Variants in MEF2D observed in about 807,000 individuals in gnomAD.
The protein encoded by MEF2D is myocyte enhancer factor 2D.
MEF2D carries 10 observed loss-of-function variants against 59.3 expected under a neutral mutation model. The observed-to-expected ratio is 0.17, with a 90% CI of 0.10 to 0.29. The LOEUF is 0.29. MEF2D is among the 10% of genes least tolerant of loss of function. MEF2D has a pLI of 1.00. For synonymous variants in MEF2D, 305 were observed against 295.0 expected, an observed-to-expected ratio of 1.03 and a Z score of -0.35; for missense variants, 508 against 699.4, an observed-to-expected ratio of 0.73 and a Z score of 3.09.
rs1672111049 is a variant in MEF2D, at chr1:156,482,879, C to T, written c.55-239G>A. Among the ~76,000 whole-genome samples the T allele has an allele frequency of 2.0e-5, 3 of 152,186 alleles. No homozygotes were observed. In the South Asian group the frequency reaches 6.2e-4, roughly 32 times the overall value. On this transcript the variant is annotated intron_variant, in intron 2 of 11. Coordinates refer to ENST00000348159, the MANE Select transcript of MEF2D (RefSeq NM_005920.4). Reference sequence around the variant, plus strand: ...ACTGAAGGGGCAGGATTCAGGTGGACAGAACTCCACACCTCTGTGCTGGAG... The same window carrying T: ...ACTGAAGGGGCAGGATTCAGGTGGATAGAACTCCACACCTCTGTGCTGGAG...
At position 156,468,770 on chromosome 1, in the gene MEF2D, C is replaced by T. The variant is rs765365266; in HGVS notation, c.1247+10G>A. 2 of 1,607,330 alleles carry T rather than the reference C, an allele frequency of 1.2e-6. No homozygotes were observed. Among genetic ancestry groups the T allele is most frequent in the Non-Finnish European group, 1.7e-6 (2 of 1,174,410 alleles). The stretch of plus-strand genomic sequence containing the variant: ...CCCACACACTCACATGCAGTCTCCC[C>T]AGGACTCACATGAGGTTGCTGAGAG... On this transcript the variant is annotated intron_variant, in intron 10 of 11. Transcript: ENST00000348159. This position sits in a 1 kb window ranked among gnomAD's most constrained non-coding sequence, Gnocchi z 4.3.
At chr1:156,479,022 G>T (rs1282224336) in intron 6 of MEF2D, among the ~76,000 whole-genome samples, 1 of 152,174 alleles carries the variant, frequency 6.6e-6, no homozygotes, top group Non-Finnish European at 1.5e-5. Flanking sequence ...GCAAAAACTT[G>T]GGTCTTCCCT....
chr1:156,479,243 A>G, intron 6 of MEF2D, 47 bp downstream of exon 6: 1 of 1,538,394 alleles, frequency 6.5e-7, no homozygotes, highest in Non-Finnish European at 8.8e-7. Flanking sequence ...GAGGCCACTG[A>G]GCGGGCACCC....
chr1:156,496,296 C>T (rs1000041983), intron 1 of MEF2D, among the ~76,000 whole-genome samples: 37 of 152,248 alleles, frequency 2.4e-4, no homozygotes, highest in South Asian at 8.3e-4. Context: ...CAGAGACCAG[C>T]GACAAACCAC....
intron 1 of MEF2D, among the ~76,000 whole-genome samples, chr1:156,496,331 G>A (rs958149639): frequency 1.3e-5 from 2 of 152,134 alleles, no homozygotes; most frequent in Admixed American, 1.3e-4. Context: ...GTTAATCACC[G>A]AAAGGCGAAA....
At position 156,465,958 on chromosome 1, in the gene MEF2D, TTG is replaced by T. The variant is rs1209174105; in HGVS notation, c.*1685_*1686del. 1 of 152,188 alleles carries T rather than the reference TTG, an allele frequency of 6.6e-6. No individual in the cohort carries two copies. Among genetic ancestry groups the T allele is most frequent in the African/African-American group, 2.4e-5 (1 of 41,440 alleles). The allele number at this position is 152,188 out of a possible 1,614,324, so 9.4% of individuals were successfully genotyped here. On this transcript the variant is annotated 3_prime_UTR_variant, in exon 12 of 12. Transcript: ENST00000348159. The stretch of plus-strand genomic sequence containing the variant: ...CACCCCTTGGGCAGAGGAGCTGGGC[TTG>T]TGTGAAGGAGTGGGGCAGACAGTCT...
In MEF2D at chr1:156,487,574, T is replaced by A. The variant is rs554657759; in HGVS notation, c.-138-4144A>T. Among the ~76,000 whole-genome samples the A allele has an allele frequency of 2.0e-5, 3 of 152,344 alleles. No homozygotes were observed. The South Asian group carries it at 6.2e-4, about 32-fold the overall frequency. The stretch of plus-strand genomic sequence containing the variant: ...TGAGGCAAGAACATGAACTCAACCC[T>A]GATTTTGGAAGAAGGGGTAGCTGGG... On this transcript the variant is annotated intron_variant, in intron 1 of 11. Coordinates refer to ENST00000348159, the MANE Select transcript of MEF2D (RefSeq NM_005920.4).
chr1:156,479,934 C>T (rs946056436), intron 4 of MEF2D, 138 bp from the exon 5 acceptor site: 27 of 808,974 alleles, frequency 3.3e-5, no homozygotes, highest in Non-Finnish European at 4.6e-5. Context: ...GCTCCCTGCC[C>T]TGTGCCCTTG....
At chr1:156,469,922 T>A (rs922876717) in intron 9 of MEF2D, among the ~76,000 whole-genome samples, 11 of 152,072 alleles carry the variant, frequency 7.2e-5, no homozygotes, top group African/African-American at 2.7e-4. Context: ...CATAACAATT[T>A]AAAAAAATAA....
intron 9 of MEF2D, among the ~76,000 whole-genome samples, chr1:156,471,963 T>C (rs945893616): frequency 6.6e-6 from 1 of 152,212 alleles, no homozygotes; most frequent in Non-Finnish European, 1.5e-5. Context: ...GGGCAGAAAC[T>C]GCTTTCATGC....
At chr1:156,482,063 A>C (rs1366479084) in intron 3 of MEF2D, among the ~76,000 whole-genome samples, 1 of 152,262 alleles carries the variant, frequency 6.6e-6, no homozygotes. Flanking sequence ...AAAAAGGAAG[A>C]GGCAGGTGCA....
intron 8 of MEF2D, 87 bp downstream of exon 8, chr1:156,476,407 A>G: frequency 2.0e-6 from 3 of 1,480,282 alleles, no homozygotes; most frequent in Non-Finnish European, 1.9e-6. Flanking sequence ...GCGAGAGGCC[A>G]AGGACGCACA....
rs914345305 is a variant in MEF2D, at chr1:156,464,977, C to A, written c.*2668G>T. On this transcript the variant is annotated 3_prime_UTR_variant, in exon 12 of 12. Coordinates refer to ENST00000348159, the MANE Select transcript of MEF2D (RefSeq NM_005920.4). ...TGAGCACCTATCATTCAACTATTCA[C>A]CCATTCAGCATTTATTGAGTGCCTA... The A allele has an allele frequency of 6.6e-6, 1 of 152,252 alleles. No individual in the cohort carries two copies. Among genetic ancestry groups the A allele is most frequent in the African/African-American group, 2.4e-5 (1 of 41,446 alleles). 9.4% of individuals were successfully genotyped at this position (152,252 alleles called of 1,614,324 possible).
intron 1 of MEF2D, among the ~76,000 whole-genome samples, chr1:156,496,877 A>T (rs1673161411): frequency 1.3e-5 from 2 of 152,234 alleles, no homozygotes; most frequent in Non-Finnish European, 2.9e-5. Context: ...CAGCTCCAGG[A>T]CAAACGCCTC....
At chr1:156,488,357 G>A (rs1672510356) in intron 1 of MEF2D, among the ~76,000 whole-genome samples, 1 of 152,182 alleles carries the variant, frequency 6.6e-6, no homozygotes, top group Admixed American at 6.5e-5. Context: ...GGGAGCAGAT[G>A]CCCAGAGAGG....
intron 1 of MEF2D, among the ~76,000 whole-genome samples, chr1:156,491,915 A>T (rs3790459): frequency 0.55 from 83,915 of 152,164 alleles, 25,048 homozygotes; most frequent in East Asian, 0.73. Flanking sequence ...TTGGCACCTC[A>T]GGCCTTTGTT....
At chr1:156,483,632 C>T (rs945607425) in intron 1 of MEF2D, among the ~76,000 whole-genome samples, 2 of 152,236 alleles carry the variant, frequency 1.3e-5, no homozygotes, top group Admixed American at 1.3e-4. Context: ...AAGGCCCAGA[C>T]TCTTTCCCCT....
chr1:156,465,503 G>C lies in MEF2D; in HGVS notation c.*2142C>G, dbSNP rs141115869. 2.5e-3 allele frequency: 383 copies of C among 152,464 alleles called. 2 individuals carry two copies. Among genetic ancestry groups the C allele is most frequent in the African/African-American group, 8.8e-3 (364 of 41,480 alleles). 9.4% of individuals were successfully genotyped at this position (152,464 alleles called of 1,614,324 possible). A position where few individuals can be genotyped will look rare whatever the true frequency, so the allele number is the denominator to read the frequency against. ...TTGGGGTCCCAGGGCTGTGGAGCTG[G>C]AGCAGCCAACTCTCCCTTTGTAAAC... On this transcript the variant is annotated 3_prime_UTR_variant, in exon 12 of 12. Coordinates refer to ENST00000348159, the MANE Select transcript of MEF2D (RefSeq NM_005920.4).
intron 8 of MEF2D, 95 bp downstream of exon 8, chr1:156,476,399 G>T: frequency 7.1e-7 from 1 of 1,416,868 alleles, no homozygotes; most frequent in South Asian, 1.2e-5. Context: ...ACGCACAGGC[G>T]AGAGGCCAAG....
Sources: allele counts gnomAD v4.1 joint callset (sites outside exome capture counted in the v4.1 genomes callset), GRCh38; gene constraint gnomAD v4.1.1; non-coding constraint Gnocchi (gnomAD v3.1); transcripts MANE v1.5; gene names NCBI Gene and HGNC (gene_info 2026-07-23, HGNC 2026-07-21).